KCNIP4: variants seen among roughly 807,000 people sequenced by gnomAD.
The protein encoded by KCNIP4 is potassium voltage-gated channel interacting protein 4, also known as Kv channel-interacting protein 4.
A neutral mutation model predicts 34.0 loss-of-function variants in KCNIP4; 12 were observed. That is an observed-to-expected ratio of 0.35 (90% CI 0.23 to 0.57). KCNIP4 has a LOEUF of 0.57. Ranked by LOEUF, KCNIP4 falls within the 20% of genes least tolerant of loss-of-function variation. The pLI is 0.83. For synonymous variants in KCNIP4, 124 were observed against 102.2 expected, an observed-to-expected ratio of 1.21 and a Z score of -1.29; for missense variants, 238 against 311.7, an observed-to-expected ratio of 0.76 and a Z score of 1.78.
At chr4:21,262,471 T>A (rs1577982997) in intron 1 of KCNIP4, among the ~76,000 whole-genome samples, 3 of 152,320 alleles carry the variant, frequency 2.0e-5, no homozygotes, top group Admixed American at 2.0e-4. Context: ...AGCCAATGAC[T>A]GATGGATGAG....
At chr4:21,760,331 A>G (rs1717959211) in intron 1 of KCNIP4, among the ~76,000 whole-genome samples, 3 of 152,142 alleles carry the variant, frequency 2.0e-5, no homozygotes. Flanking sequence ...AACCCTGGTA[A>G]TAACCATGCC....
At chr4:20,757,807 G>A (rs1754609644) in intron 4 of KCNIP4, among the ~76,000 whole-genome samples, 5 of 152,134 alleles carry the variant, frequency 3.3e-5, no homozygotes, top group Admixed American at 3.3e-4. Flanking sequence ...TTGTTGGATG[G>A]TGAGGCATGC....
At chr4:20,972,047 A>T (rs543854981) in intron 1 of KCNIP4, among the ~76,000 whole-genome samples, 1 of 152,192 alleles carries the variant, frequency 6.6e-6, no homozygotes, top group African/African-American at 2.4e-5. Flanking sequence ...TAGTTTGATC[A>T]TGAGATTCCA....
At chr4:21,779,670 G>A (rs368861790) in intron 1 of KCNIP4, among the ~76,000 whole-genome samples, 3 of 152,084 alleles carry the variant, frequency 2.0e-5, no homozygotes, top group East Asian at 3.9e-4. Flanking sequence ...TTGTGAGACC[G>A]AGGCAGAAGA....
intron 2 of KCNIP4, among the ~76,000 whole-genome samples, chr4:20,877,179 G>C (rs1199263429): frequency 6.6e-6 from 1 of 152,164 alleles, no homozygotes; most frequent in Non-Finnish European, 1.5e-5. Context: ...TCTTTGGTGA[G>C]TTGACAATAG....
intron 3 of KCNIP4, among the ~76,000 whole-genome samples, chr4:20,795,707 GT>G (rs71653901): frequency 0.039 from 5,993 of 151,980 alleles, 190 homozygotes; most frequent in East Asian, 0.2. Context: ...TATAACTCTA[GT>G]TTTTTTAAGG....
At chr4:21,015,104 T>A (rs1168410385) in intron 1 of KCNIP4, among the ~76,000 whole-genome samples, 1 of 151,900 alleles carries the variant, frequency 6.6e-6, no homozygotes. Flanking sequence ...GAAGGTAGGA[T>A]AGTGGTGATA....
chr4:21,516,205 A>G (rs1431442949), intron 1 of KCNIP4, among the ~76,000 whole-genome samples: 1 of 152,200 alleles, frequency 6.6e-6, no homozygotes, highest in Non-Finnish European at 1.5e-5. Context: ...ATATCTTCAG[A>G]AAAAGTTGTC....
chr4:21,633,270 C>T (rs1269144552), intron 1 of KCNIP4, among the ~76,000 whole-genome samples: 1 of 152,086 alleles, frequency 6.6e-6, no homozygotes, highest in Non-Finnish European at 1.5e-5. Flanking sequence ...AGGTAATCCC[C>T]CCAATTTTTT....
chr4:21,044,652 T>C (rs1426908030), intron 1 of KCNIP4, among the ~76,000 whole-genome samples: 1 of 152,122 alleles, frequency 6.6e-6, no homozygotes, highest in Non-Finnish European at 1.5e-5. Context: ...TCCACATGCT[T>C]CCAGAGCAAG....
chr4:21,421,594 A>G (rs1246536358), intron 1 of KCNIP4, among the ~76,000 whole-genome samples: 1 of 152,202 alleles, frequency 6.6e-6, no homozygotes, highest in Non-Finnish European at 1.5e-5. Context: ...AGAAAACTGT[A>G]GAATGGTGGT....
chr4:20,784,011 A>T (rs557498277), intron 3 of KCNIP4, among the ~76,000 whole-genome samples: 1 of 152,280 alleles, frequency 6.6e-6, no homozygotes, highest in South Asian at 2.1e-4. Flanking sequence ...GGTTCCTGTC[A>T]GGGTATTCTC....
At chr4:21,135,405 C>T (rs1406859425) in intron 1 of KCNIP4, among the ~76,000 whole-genome samples, 1 of 152,060 alleles carries the variant, frequency 6.6e-6, no homozygotes, top group Admixed American at 6.6e-5. Flanking sequence ...GCAAAGCATC[C>T]CCATTTTTGT....
At chr4:21,784,273 A>T (rs1470801178) in intron 1 of KCNIP4, among the ~76,000 whole-genome samples, 1 of 152,182 alleles carries the variant, frequency 6.6e-6, no homozygotes, top group East Asian at 1.9e-4. Flanking sequence ...GGACAGAGCC[A>T]AACCATATCA....
chr4:21,239,690 G>C (rs1280295393), intron 1 of KCNIP4, among the ~76,000 whole-genome samples: 2 of 152,184 alleles, frequency 1.3e-5, no homozygotes, highest in African/African-American at 4.8e-5. Flanking sequence ...TCTCACAGTA[G>C]TTAGAAGGGC....
In KCNIP4 at chr4:21,895,336, T is replaced by C. The variant is rs114033947; in HGVS notation, c.61+53235A>G. On this transcript the variant is annotated intron_variant, in intron 1 of 8. Transcript: ENST00000382152. Reference sequence around the variant, plus strand: ...GGACAAAAGATAAAACTCTCTCAAATGGTACTTGAAATATAGAGTTAAGGG... The same window carrying C: ...GGACAAAAGATAAAACTCTCTCAAACGGTACTTGAAATATAGAGTTAAGGG... Among the ~76,000 whole-genome samples the C allele has an allele frequency of 2.1e-3, 317 of 152,268 alleles. 1 individual carries two copies. The highest frequency in any genetic ancestry group is 7.3e-3 in the African/African-American group (305 of 41,560).
In KCNIP4 at chr4:20,850,714, C is replaced by T. The variant is rs116139492; in HGVS notation, c.164-47G>A. 382 of 1,597,062 alleles carry T rather than the reference C, an allele frequency of 2.4e-4. 1 individual carries two copies. In the African/African-American group the frequency reaches 4.1e-3, roughly 17 times the overall value. ...AGTCTTAGGACCAGCCACTGCTCAC[C>T]GATGCTTACACAGAGCAACAAAGGA... On this transcript the variant is annotated intron_variant, in intron 2 of 8. Coordinates refer to ENST00000382152, the MANE Select transcript of KCNIP4 (RefSeq NM_025221.6).
intron 1 of KCNIP4, among the ~76,000 whole-genome samples, chr4:21,364,301 G>C (rs549495905): frequency 1.3e-5 from 2 of 152,116 alleles, no homozygotes; most frequent in African/African-American, 4.8e-5. Flanking sequence ...TTTATTGAAA[G>C]CCTGTTCAGT....
At chr4:21,556,067 G>C (rs1329842826) in intron 1 of KCNIP4, among the ~76,000 whole-genome samples, 1 of 152,092 alleles carries the variant, frequency 6.6e-6, no homozygotes, top group African/African-American at 2.4e-5. Context: ...AATGAATTTT[G>C]CTTGATAAAT....
Sources: allele counts gnomAD v4.1 joint callset (sites outside exome capture counted in the v4.1 genomes callset), GRCh38; gene constraint gnomAD v4.1.1; transcripts MANE v1.5; gene names NCBI Gene and HGNC (gene_info 2026-07-23, HGNC 2026-07-21).